The following MUC22 variants were observed in gnomAD, a reference collection of about 807,000 sequenced individuals.
MUC22 encodes the protein mucin-22.
A neutral mutation model predicts 40.3 loss-of-function variants in MUC22; 24 were observed. The observed-to-expected ratio is 0.60, with a 90% CI of 0.43 to 0.84. The LOEUF (loss-of-function observed/expected upper bound fraction) is 0.84. MUC22 is among the 40% of genes least tolerant of loss of function. The probability of loss-of-function intolerance (pLI) is 0.00; values close to 1 mark genes in which losing one functional copy is unlikely to be tolerated. For missense variants in MUC22, 1,926 were observed against 2,130.7 expected (o/e 0.90, Z 1.89); for synonymous variants, 765 against 844.5 (o/e 0.91, Z 1.63).
Position 31,026,687 on chromosome 6 carries a change from C to T in MUC22, c.1256C>T (p.Ala419Val), listed in dbSNP as rs1037207181. 6.0e-5 allele frequency: 90 copies of T among 1,505,880 alleles called. 7 individuals are homozygous for T. The African/African-American group carries it at 9.9e-4, about 17-fold the overall frequency. 93.3% of individuals were successfully genotyped at this position (1,505,880 alleles called of 1,614,324 possible). The change falls in exon 2 of 4, where the codon GCC becomes GTC. Residue 419 changes from alanine to valine, a missense_variant. Coordinates refer to ENST00000561890, the Ensembl canonical transcript of MUC22. ...ACTGCAGATTCTGAGACCACTGCAG[C>T]CTCTACCACAGGCTCTGAGATGACC...
At chr6:31,008,138 T>C (rs1029237097), upstream of MUC22, among the ~76,000 whole-genome samples, 9 of 152,254 alleles carry the variant, frequency 5.9e-5, no homozygotes, top group Admixed American at 2.0e-4. Context: ...AACCTCCTTT[T>C]ATAATGGCGA....
rs1299405878 is a variant in MUC22, at chr6:31,027,035, C to A, written c.1604C>A (p.Thr535Lys). ...ACAGCCTCTACTACAGGGTTTGAGA[C>A]AACCGCAGCCTCTACTACAGGCTCT... The change falls in exon 2 of 4, where the codon ACA becomes AAA. Residue 535 changes from threonine to lysine, a missense_variant. By Grantham distance (78) the Thr-to-Lys change is moderately conservative. Around this residue, in one of 3 missense-constraint regions of MUC22, gnomAD observed 1,281 missense variants for 1,337.8 expected, o/e 0.96. Transcript: ENST00000561890. The A allele has an allele frequency of 2.0e-6, 3 of 1,502,874 alleles. 1 individual carries two copies. The highest frequency in any genetic ancestry group is 1.8e-6 in the Non-Finnish European group (2 of 1,123,556). The allele number at this position is 1,502,874 out of a possible 1,614,324, so 93.1% of individuals were successfully genotyped here.
chr6:31,022,748 A>G (rs1388623099), intron 1 of MUC22, among the ~76,000 whole-genome samples: 1 of 152,096 alleles, frequency 6.6e-6, no homozygotes, highest in Non-Finnish European at 1.5e-5. Flanking sequence ...GTAGACAGTG[A>G]TAAAGGTGTA....
At chr6:31,025,762 T>C in exon 2 of MUC22, 1 of 1,531,772 alleles carries the variant, frequency 6.5e-7, no homozygotes. Flanking sequence ...CACTAGGACC[T>C]TCACCACAGG....
chr6:31,006,175 G>A (rs1243225140), upstream of MUC22: 4 of 369,200 alleles, frequency 1.1e-5, no homozygotes, highest in Admixed American at 4.1e-5. Flanking sequence ...ATGGAAAGAC[G>A]TATCATAAGA....
chr6:31,012,093 A>G (rs1034993571), intron 1 of MUC22, among the ~76,000 whole-genome samples: 2 of 152,198 alleles, frequency 1.3e-5, no homozygotes, highest in Non-Finnish European at 2.9e-5. Context: ...TTGATTTCTT[A>G]CATCAACATA....
At position 31,030,288 on chromosome 6, in the gene MUC22, C is replaced by T. The variant is rs188716838; in HGVS notation, c.4669+188C>T. ...ATCCCAGCACATTGGAAGGCTGAGGCGAGCGAATCACGAGATCAGGAGATT... is the reference window on the plus strand; with the variant it reads ...ATCCCAGCACATTGGAAGGCTGAGGTGAGCGAATCACGAGATCAGGAGATT... On this transcript the variant is annotated intron_variant, in intron 2 of 3. Transcript: ENST00000561890. 3.0e-3 allele frequency among the ~76,000 whole-genome samples: 454 copies of T among 152,196 alleles called. 4 individuals carry two copies. Among genetic ancestry groups the T allele is most frequent in the South Asian group, 0.022 (107 of 4,818 alleles).
chr6:31,031,234 G>C (rs1581672501), intron 2 of MUC22, among the ~76,000 whole-genome samples: 1 of 152,112 alleles, frequency 6.6e-6, no homozygotes, highest in Non-Finnish European at 1.5e-5. Flanking sequence ...ACCTGTCTGA[G>C]CCCACCCTCT....
At chr6:31,022,558 TA>T (rs979149103) in intron 1 of MUC22, among the ~76,000 whole-genome samples, 1 of 151,198 alleles carries the variant, frequency 6.6e-6, no homozygotes, top group African/African-American at 2.4e-5. Flanking sequence ...TGGGTAAAAA[TA>T]AAATTTTTTT....
exon 2 of MUC22, chr6:31,028,896 C>G (rs764998372): frequency 6.6e-7 from 1 of 1,518,128 alleles, no homozygotes; most frequent in South Asian, 1.2e-5. Context: ...GCTCTGAGAC[C>G]ACCACAGCCT....
chr6:31,018,898 C>T (rs1300683469), intron 1 of MUC22, among the ~76,000 whole-genome samples: 1 of 152,236 alleles, frequency 6.6e-6, no homozygotes, highest in Non-Finnish European at 1.5e-5. Context: ...ATTTGCGTCT[C>T]CTCCTCTATC....
rs575665643 is a variant in MUC22 at position 31,010,781 on chromosome 6, G to A, written c.70+5G>A. On this transcript the variant is annotated splice_donor_5th_base_variant and intron_variant, in intron 1 of 3. Transcript: ENST00000561890. The stretch of plus-strand genomic sequence containing the variant: ...TCTTTGGACTTCTGGGACCCAGTAA[G>A]TGACTTAGCAGTTAAGGAGGGAGAG... 101 of 702,550 alleles carry A rather than the reference G, an allele frequency of 1.4e-4. 2 individuals are homozygous for A. Among genetic ancestry groups the A allele is most frequent in the South Asian group, 5.2e-4 (35 of 67,600 alleles). 43.5% of individuals were successfully genotyped at this position (702,550 alleles called of 1,614,324 possible).
intron 1 of MUC22, among the ~76,000 whole-genome samples, chr6:31,025,114 C>G (rs1765172334): frequency 8.9e-6 from 1 of 112,688 alleles, no homozygotes; most frequent in South Asian, 2.4e-4. Flanking sequence ...GGTGATCCGC[C>G]TGGGATTACA....
exon 2 of MUC22, chr6:31,026,199 G>A (rs1353538972): frequency 1.3e-6 from 2 of 1,521,440 alleles, no homozygotes; most frequent in Non-Finnish European, 1.8e-6. Context: ...TGAGCTCTGA[G>A]ACCACTGTGG....
upstream of MUC22, chr6:31,010,360 A>G (rs564578215): frequency 6.3e-4 from 157 of 247,770 alleles, 2 homozygotes; most frequent in Admixed American, 3.6e-3. Flanking sequence ...ATCTCTCCAA[A>G]CGGCCCTGCA....
At chr6:31,020,531 G>GC (rs1465591351) in intron 1 of MUC22, among the ~76,000 whole-genome samples, 4 of 145,870 alleles carry the variant, frequency 2.7e-5, no homozygotes, top group Admixed American at 2.1e-4. Context: ...TGCAACCTCT[G>GC]CCTCCCGGTG....
At chr6:31,029,463 G>A in exon 2 of MUC22, 2 of 1,534,448 alleles carry the variant, frequency 1.3e-6, no homozygotes, top group South Asian at 1.2e-5. Context: ...CAGGCTCTGG[G>A]ACCACCACAG....
At chr6:31,010,932 T>TACTGG in intron 1 of MUC22, among the ~76,000 whole-genome samples, 156 bp downstream of exon 1, 1 of 148,792 alleles carries the variant, frequency 6.7e-6, no homozygotes, top group South Asian at 2.1e-4. Flanking sequence ...CAAAAGCCAG[T>TACTGG]ACTGATCCCA....
intron 1 of MUC22, among the ~76,000 whole-genome samples, chr6:31,024,932 GC>G (rs1469267068): frequency 6.7e-6 from 1 of 150,354 alleles, no homozygotes; most frequent in Non-Finnish European, 1.5e-5. Flanking sequence ...GTGCAGTGGT[GC>G]AATCTTGGCT....
Sources: gnomAD v4.1 joint callset for allele counts (sites outside exome capture counted in the v4.1 genomes callset) on GRCh38, gnomAD v4.1.1 for gene constraint, gnomAD v4.1.1 regional missense constraint, MANE v1.5 for transcripts, NCBI Gene and HGNC (gene_info 2026-07-23, HGNC 2026-07-21) for gene names.